PTPRC: variants seen among roughly 807,000 people sequenced by gnomAD.
The protein encoded by PTPRC is protein tyrosine phosphatase receptor type C, also known as receptor-type tyrosine-protein phosphatase C.
PTPRC carries 44 observed loss-of-function variants against 155.9 expected under a neutral mutation model. The observed-to-expected ratio is 0.28, with a 90% CI of 0.22 to 0.36. PTPRC has a LOEUF of 0.36. PTPRC is among the 10% of genes least tolerant of loss of function. The pLI is 1.00. For missense variants in PTPRC, 1,401 were observed against 1,564.6 expected (o/e 0.90, Z 1.76); for synonymous variants, 525 against 533.1 (o/e 0.98, Z 0.21).
At position 198,709,728 on chromosome 1, in the gene PTPRC, C is replaced by G. The variant is rs751785635; in HGVS notation, c.1075C>G (p.Leu359Val). Residue 359 changes from leucine (L) to valine (V), a missense_variant, in exon 11 of 33, where the codon CTT becomes GTT. Leu to Val is a conservative substitution (Grantham distance 32). Around this residue, in one of 3 missense-constraint regions of PTPRC, gnomAD observed 867 missense variants for 970.4 expected, o/e 0.89. Coordinates refer to ENST00000442510, the MANE Select transcript of PTPRC (RefSeq NM_002838.5). ...FDNKEIKLENLEPEHEYKCDS... is the reference protein window; with the variant it reads ...FDNKEIKLENVEPEHEYKCDS... ...TAATAAAGAAATTAAATTAGAAAAC[C>G]TTGAACCCGAACATGAGTATAAGTG... The G allele has an allele frequency of 1.2e-6, 2 of 1,603,384 alleles. No homozygotes were observed. Among genetic ancestry groups the G allele is most frequent in the South Asian group, 1.1e-5 (1 of 88,146 alleles).
chr1:198,642,908 C>G (rs998741415), intron 2 of PTPRC, among the ~76,000 whole-genome samples: 1 of 107,850 alleles, frequency 9.3e-6, no homozygotes, highest in African/African-American at 3.9e-5. Flanking sequence ...TTCTTTCTTC[C>G]TTTCTTTCTT....
At position 198,660,013 on chromosome 1, in the gene PTPRC, TTGTCCATATATA is replaced by T. The variant is rs1480393336; in HGVS notation, c.73+20686_73+20697del. 2.8e-3 allele frequency among the ~76,000 whole-genome samples: 338 copies of T among 122,162 alleles called. 6 individuals carry two copies. Among genetic ancestry groups the T allele is most frequent in the African/African-American group, 0.01 (319 of 30,910 alleles). The allele number at this position is 122,162 out of a possible 152,430, so 80.1% of individuals were successfully genotyped here. A position where few individuals can be genotyped will look rare whatever the true frequency, so the allele number is the denominator to read the frequency against. ...TATCTATATAAATATATAGATATATTTGTCCATATATATGTCCATATATATATATATATATAT... is the reference window on the plus strand; with the variant it reads ...TATCTATATAAATATATAGATATATTTGTCCATATATATATATATATATAT... On this transcript the variant is annotated intron_variant, in intron 2 of 32. Coordinates refer to ENST00000442510, the MANE Select transcript of PTPRC (RefSeq NM_002838.5).
intron 2 of PTPRC, among the ~76,000 whole-genome samples, chr1:198,648,125 T>C (rs1663033872): frequency 6.6e-6 from 1 of 151,966 alleles, no homozygotes; most frequent in Non-Finnish European, 1.5e-5. Context: ...ATGGAAGTTC[T>C]GGTGCTGCCA....
chr1:198,711,697 T>TA (rs1002007492), intron 11 of PTPRC, among the ~76,000 whole-genome samples: 4 of 152,158 alleles, frequency 2.6e-5, no homozygotes, highest in Non-Finnish European at 4.4e-5. Context: ...AAATAGTTTG[T>TA]AAAAAATCAA....
At chr1:198,689,928 A>G (rs899887527) in intron 2 of PTPRC, among the ~76,000 whole-genome samples, 6 of 152,276 alleles carry the variant, frequency 3.9e-5, no homozygotes, top group African/African-American at 1.2e-4. Context: ...AAGCTTATCC[A>G]GGGCAAGGGT....
At chr1:198,694,611 A>T in intron 3 of PTPRC, 1 of 986,054 alleles carries the variant, frequency 1.0e-6, no homozygotes, top group Non-Finnish European at 1.2e-6. Context: ...AAGCAGGCAG[A>T]CACCAGAATT....
intron 4 of PTPRC, among the ~76,000 whole-genome samples, chr1:198,697,143 A>G (rs1222543754): frequency 6.6e-6 from 1 of 152,168 alleles, no homozygotes; most frequent in African/African-American, 2.4e-5. Context: ...CTCCAAGGAC[A>G]ATCAGGAGGG....
intron 25 of PTPRC, 36 bp from the exon 26 acceptor site, chr1:198,744,018 T>C (rs1655028334): frequency 6.4e-7 from 1 of 1,559,570 alleles, no homozygotes; most frequent in Non-Finnish European, 8.8e-7. Flanking sequence ...CTCTAGATTA[T>C]CAGTTAACTA....
At chr1:198,723,167 T>C (rs1398216615) in intron 15 of PTPRC, among the ~76,000 whole-genome samples, 1 of 151,242 alleles carries the variant, frequency 6.6e-6, no homozygotes, top group African/African-American at 2.4e-5. Flanking sequence ...CTAGAGTTAC[T>C]AACATTACCA....
intron 2 of PTPRC, among the ~76,000 whole-genome samples, chr1:198,669,643 A>G (rs1005596341): frequency 6.6e-6 from 1 of 152,174 alleles, no homozygotes; most frequent in Non-Finnish European, 1.5e-5. Flanking sequence ...TACTAGAAGT[A>G]GAGCCAGAAT....
intron 2 of PTPRC, among the ~76,000 whole-genome samples, chr1:198,653,596 G>GA (rs1206536035): frequency 2.0e-5 from 3 of 151,818 alleles, no homozygotes; most frequent in Non-Finnish European, 4.4e-5. Context: ...TCAAGGAAAA[G>GA]AAAAAATAAT....
intron 23 of PTPRC, among the ~76,000 whole-genome samples, chr1:198,741,343 G>C (rs1293321531): frequency 6.6e-6 from 1 of 151,866 alleles, no homozygotes; most frequent in African/African-American, 2.4e-5. Flanking sequence ...ATGCTACCAT[G>C]TGAAGGCCTA....
chr1:198,699,524 G>A (rs780503499), intron 4 of PTPRC, 40 bp from the exon 5 acceptor site: 2 of 1,612,948 alleles, frequency 1.2e-6, no homozygotes, highest in Non-Finnish European at 8.5e-7. Context: ...CATCTCCAGT[G>A]GGGGAAGACT....
intron 11 of PTPRC, among the ~76,000 whole-genome samples, chr1:198,712,408 G>T (rs894873061): frequency 6.6e-6 from 1 of 152,154 alleles, no homozygotes; most frequent in Non-Finnish European, 1.5e-5. Context: ...TCTTTATCTT[G>T]ATTGTGGTGT....
intron 5 of PTPRC, 136 bp downstream of exon 5, chr1:198,699,840 C>G (rs1171430305): frequency 3.5e-6 from 4 of 1,150,568 alleles, no homozygotes; most frequent in Non-Finnish European, 5.2e-6. Context: ...ATTTCAGTCA[C>G]TCTTAGGAAT....
chr1:198,693,516 CAT>C (rs986543696), intron 3 of PTPRC, among the ~76,000 whole-genome samples: 10 of 152,160 alleles, frequency 6.6e-5, no homozygotes, highest in African/African-American at 2.4e-4. Context: ...TAAAATGACA[CAT>C]GACTCATCAC....
At chr1:198,691,000 A>G (rs979282053) in intron 2 of PTPRC, among the ~76,000 whole-genome samples, 2 of 152,024 alleles carry the variant, frequency 1.3e-5, no homozygotes, top group East Asian at 1.9e-4. Context: ...TTTGACTTCA[A>G]CCATTTCCTT....
At chr1:198,725,429 T>C (rs1395427649) in intron 15 of PTPRC, among the ~76,000 whole-genome samples, 1 of 152,168 alleles carries the variant, frequency 6.6e-6, no homozygotes, top group Admixed American at 6.5e-5. Flanking sequence ...ATATCATTCA[T>C]TATCACCAAA....
rs899180360 is a variant in PTPRC, at chr1:198,732,151, T to A, written c.1975-149T>A. 7.3e-6 allele frequency: 5 copies of A among 688,196 alleles called. No individual in the cohort carries two copies. In the African/African-American group the frequency reaches 9.1e-5, roughly 12 times the overall value. The allele number at this position is 688,196 out of a possible 1,614,324, so 42.6% of individuals were successfully genotyped here. ...GTTTTTTTTTTAACATAATTCCTGATCTTAATTTTGATTACTCTAAGCAAA... is the reference window on the plus strand; with the variant it reads ...GTTTTTTTTTTAACATAATTCCTGAACTTAATTTTGATTACTCTAAGCAAA... On this transcript the variant is annotated intron_variant, in intron 18 of 32. Transcript: ENST00000442510.
Sources: gnomAD v4.1 joint callset for allele counts (sites outside exome capture counted in the v4.1 genomes callset) on GRCh38, gnomAD v4.1.1 for gene constraint, gnomAD v4.1.1 regional missense constraint, MANE v1.5 for transcripts, NCBI Gene and HGNC (gene_info 2026-07-23, HGNC 2026-07-21) for gene names.